Variants in PLEKHG3 observed in about 807,000 individuals in gnomAD.
The protein encoded by PLEKHG3 is pleckstrin homology domain-containing family G member 3.
In PLEKHG3, 62 loss-of-function variants were observed where a neutral mutation model predicts 94.9. The observed-to-expected ratio is 0.65, with a 90% confidence interval of 0.53 to 0.81. The LOEUF is 0.81. Ranked by LOEUF, PLEKHG3 falls within the 30% of genes least tolerant of loss-of-function variation. The probability of loss-of-function intolerance (pLI) is 0.00; values close to 1 mark genes in which losing one functional copy is unlikely to be tolerated. For missense variants in PLEKHG3, 1,461 were observed against 1,619.3 expected (o/e 0.90, Z 1.68); for synonymous variants, 614 against 654.0 (o/e 0.94, Z 0.93).
Position 64,728,984 on chromosome 14 carries a change from C to T in PLEKHG3, c.352-12C>T, listed in dbSNP as rs1355771115. 2 of 1,261,140 alleles carry T rather than the reference C, an allele frequency of 1.6e-6. No individual in the cohort carries two copies. Among genetic ancestry groups the T allele is most frequent in the African/African-American group, 1.5e-5 (1 of 67,540 alleles). 78.1% of individuals were successfully genotyped at this position (1,261,140 alleles called of 1,614,324 possible). On this transcript the variant is annotated splice_polypyrimidine_tract_variant and intron_variant, in intron 2 of 16. Transcript: ENST00000247226. The surrounding 1 kb of genome is among the most constrained non-coding windows in gnomAD (Gnocchi z 5.9). ...GCCGGGGGCTAGGTTCTGACCACCT[C>T]CCTCCACGCAGGACTACCTCTTGAA...
intron 13 of PLEKHG3, 26 bp from the exon 14 acceptor site, chr14:64,737,329 TG>T: frequency 6.3e-7 from 1 of 1,599,886 alleles, no homozygotes; most frequent in Non-Finnish European, 8.5e-7. Context: ...GCCCGTGTGC[TG>T]GGGGACCCGG....
intron 12 of PLEKHG3, among the ~76,000 whole-genome samples, chr14:64,735,729 CT>C (rs34768586): frequency 0.12 from 18,362 of 152,274 alleles, 1,241 homozygotes; most frequent in Middle Eastern, 0.18. Context: ...CATGCAGGCA[CT>C]TTACTGCCTG....
chr14:64,742,083 G>A lies in PLEKHG3; in HGVS notation c.2566G>A (p.Ala856Thr), dbSNP rs973315461. The A allele has an allele frequency of 2.5e-6, 4 of 1,609,214 alleles. No homozygotes were observed. The African/African-American group carries it at 5.3e-5, about 21-fold the overall frequency. Residue 856 changes from alanine to threonine, a missense_variant, in exon 16 of 17, where the codon GCC becomes ACC. Ala to Thr is a moderately conservative substitution (Grantham distance 58, BLOSUM62 0). Coordinates refer to ENST00000247226, the MANE Select transcript of PLEKHG3 (RefSeq NM_001308147.2). Reference sequence around the variant, plus strand: ...CATCCTGGAGGAGCATGAGCTGGGAGCCATCACAGAGGAGTCGGCCACTGC... The same window carrying A: ...CATCCTGGAGGAGCATGAGCTGGGAACCATCACAGAGGAGTCGGCCACTGC... ...LFILEEHELG[A>T]ITEESATASP...
In PLEKHG3 at chr14:64,704,512, G is replaced by C. The variant is rs2080942077; in HGVS notation, c.-232G>C. On this transcript the variant is annotated 5_prime_UTR_variant, in exon 1 of 17. Coordinates refer to ENST00000247226, the MANE Select transcript of PLEKHG3 (RefSeq NM_001308147.2). The surrounding 1 kb of genome is among the most constrained non-coding windows in gnomAD (Gnocchi z 5.6). ...GCCGGGCGCTGGCAAGCCGCGCGCT[G>C]CCTGGGGTCTCCGGGGGCCGCGCTT... 6.4e-6 allele frequency: 1 copy of C among 156,130 alleles called. No homozygotes were observed. The allele number at this position is 156,130 out of a possible 1,614,324, so 9.7% of individuals were successfully genotyped here. A position where few individuals can be genotyped will look rare whatever the true frequency, so the allele number is the denominator to read the frequency against.
At chr14:64,706,686 C>T (rs2080976605) in intron 1 of PLEKHG3, among the ~76,000 whole-genome samples, 1 of 152,258 alleles carries the variant, frequency 6.6e-6, no homozygotes, top group Non-Finnish European at 1.5e-5. Flanking sequence ...AATATCTCAG[C>T]CCCAGAGTAA....
In PLEKHG3 at chr14:64,723,871, G is replaced by A. The variant is rs1044322289; in HGVS notation, c.-39-3722G>A. The A allele has an allele frequency of 1.3e-5, 2 of 152,234 alleles. No individual in the cohort carries two copies. The highest frequency in any genetic ancestry group is 2.4e-5 in the African/African-American group (1 of 41,448). 9.4% of individuals were successfully genotyped at this position (152,234 alleles called of 1,614,324 possible). On this transcript the variant is annotated intron_variant, in intron 1 of 16. Transcript: ENST00000247226. The surrounding 1 kb of genome is among the most constrained non-coding windows in gnomAD (Gnocchi z 4.5). Reference sequence around the variant, plus strand: ...ACTGGATTGATTCATGTTGCAAGATGGAAGAGGTCATGGCTGGGGCATACT... The same window carrying A: ...ACTGGATTGATTCATGTTGCAAGATAGAAGAGGTCATGGCTGGGGCATACT...
chr14:64,709,183 T>C (rs2081026515), intron 1 of PLEKHG3, among the ~76,000 whole-genome samples: 2 of 152,172 alleles, frequency 1.3e-5, no homozygotes, highest in Admixed American at 1.3e-4. Context: ...TTGAGAATGG[T>C]ACAAAGTGTG....
chr14:64,732,826 C>G lies in PLEKHG3; in HGVS notation c.1270C>G (p.Pro424Ala), dbSNP rs771991725. ...SYYPNRYRCS[P>A]ERLKKAWSSQ... ...AGATCCCAATCGGTACCGCTGCAGC[C>G]CAGAGCGGCTGAAGAAGGCTTGGTC... The change falls in exon 12 of 17, where the codon CCA (proline) becomes GCA (alanine). Residue 424 changes from proline to alanine, a missense_variant. By Grantham distance (27) the Pro-to-Ala change is conservative. Around this residue, in one of 3 missense-constraint regions of PLEKHG3, gnomAD observed 1,201 missense variants for 1,295.5 expected, o/e 0.93. Transcript: ENST00000247226. The surrounding 1 kb of genome is among the most constrained non-coding windows in gnomAD (Gnocchi z 4.9). 4 of 1,609,726 alleles carry G rather than the reference C, an allele frequency of 2.5e-6. No individual in the cohort carries two copies. The highest frequency in any genetic ancestry group is 3.4e-6 in the Non-Finnish European group (4 of 1,178,544).
intron 1 of PLEKHG3, among the ~76,000 whole-genome samples, chr14:64,714,238 T>C (rs551108842): frequency 3.3e-5 from 5 of 152,178 alleles, no homozygotes; most frequent in Admixed American, 6.5e-5. Context: ...CGTGCACTTA[T>C]TGGTGATGAT....
intron 12 of PLEKHG3, among the ~76,000 whole-genome samples, chr14:64,736,436 C>T (rs111592155): frequency 1.2e-4 from 19 of 152,322 alleles, no homozygotes; most frequent in African/African-American, 4.3e-4. Context: ...GTAGCTGATG[C>T]GCTGATATGC....
chr14:64,730,808 C>A lies in PLEKHG3; in HGVS notation c.576C>A (p.Ala192=). The A allele has an allele frequency of 6.2e-7, 1 of 1,613,232 alleles. No individual in the cohort carries two copies. ...CTTCTCCCACTCCCAGCTCCGTGGC[C>A]GCCCTGACGGAATGCATGCGGGACA... ...QYCNNYPNSV[A]ALTECMRDKQ... Residue 192 remains alanine (A), a synonymous_variant, in exon 6 of 17, where the codon GCC becomes GCA. Coordinates refer to ENST00000247226, the MANE Select transcript of PLEKHG3 (RefSeq NM_001308147.2). The surrounding 1 kb of genome is among the most constrained non-coding windows in gnomAD (Gnocchi z 5.4).
rs200474467 is a variant in PLEKHG3, at chr14:64,743,258, G to A, written c.3215G>A (p.Arg1072His). 1.1e-4 allele frequency: 174 copies of A among 1,606,210 alleles called. 1 individual carries two copies. In the African/African-American group the frequency reaches 1.7e-3, roughly 16 times the overall value. ...EARRAGGGRP[R>H]GPPVNRSHSV... The stretch of plus-strand genomic sequence containing the variant: ...CGCCGAGCAGGGGGCGGCCGGCCCC[G>A]CGGCCCACCCGTCAACAGGAGCCAC... The change falls in exon 17 of 17, where the codon CGC (arginine) becomes CAC (histidine). Residue 1072 changes from arginine to histidine, a missense_variant. Arg to His is a conservative substitution (Grantham distance 29, BLOSUM62 0). Transcript: ENST00000247226. The surrounding 1 kb of genome is among the most constrained non-coding windows in gnomAD (Gnocchi z 7.2).
chr14:64,740,403 C>T (rs968005777), intron 15 of PLEKHG3, among the ~76,000 whole-genome samples: 1 of 152,232 alleles, frequency 6.6e-6, no homozygotes, highest in Non-Finnish European at 1.5e-5. Context: ...TCTTCCTTGC[C>T]CATTTCCTGG....
chr14:64,714,675 A>C (rs929256928), intron 1 of PLEKHG3, among the ~76,000 whole-genome samples: 1 of 152,314 alleles, frequency 6.6e-6, no homozygotes, highest in Admixed American at 6.5e-5. Flanking sequence ...CCCAGCCATG[A>C]TTCTGAAGCT....
At chr14:64,713,344 G>T (rs2081089510) in intron 1 of PLEKHG3, among the ~76,000 whole-genome samples, 1 of 152,090 alleles carries the variant, frequency 6.6e-6, no homozygotes, top group Admixed American at 6.6e-5. Flanking sequence ...CTGTTTTTTT[G>T]TGGGGTGAGA....
In PLEKHG3 at chr14:64,730,352, G is replaced by T; in HGVS notation, c.519+40G>T. ...GTCCTTGCCTCTGTCCTACCTTGCT[G>T]AGAGCTCAGAGAGACAAGAACTGCC... On this transcript the variant is annotated intron_variant, in intron 4 of 16. Transcript: ENST00000247226. The surrounding 1 kb of genome is among the most constrained non-coding windows in gnomAD (Gnocchi z 5.4). 7.9e-7 allele frequency: 1 copy of T among 1,269,028 alleles called. No homozygotes were observed. Among genetic ancestry groups the T allele is most frequent in the African/African-American group, 1.5e-5 (1 of 68,016 alleles). The allele number at this position is 1,269,028 out of a possible 1,614,324, so 78.6% of individuals were successfully genotyped here.
At position 64,741,184 on chromosome 14, in the gene PLEKHG3, C is replaced by T. The variant is rs1249088001; in HGVS notation, c.1667C>T (p.Pro556Leu). 3.7e-6 allele frequency: 6 copies of T among 1,614,112 alleles called. No individual in the cohort carries two copies. Among genetic ancestry groups the T allele is most frequent in the Non-Finnish European group, 5.1e-6 (6 of 1,180,018 alleles). ...CACCAGGGCCTTCTGGGGATGGACC[C>T]CCCAGGTGACATGGTGGACTTCGTG... is the stretch of plus-strand genomic sequence containing the variant. ...DAHQGLLGMD[P>L]PGDMVDFVAA... Residue 556 changes from proline to leucine, a missense_variant, in exon 16 of 17, where the codon CCC becomes CTC. Around this residue, in one of 3 missense-constraint regions of PLEKHG3, gnomAD observed 1,201 missense variants for 1,295.5 expected, o/e 0.93. Coordinates refer to ENST00000247226, the MANE Select transcript of PLEKHG3 (RefSeq NM_001308147.2).
intron 1 of PLEKHG3, among the ~76,000 whole-genome samples, chr14:64,714,286 A>G (rs753588386): frequency 1.3e-5 from 2 of 152,188 alleles, no homozygotes; most frequent in South Asian, 2.1e-4. Flanking sequence ...GTGGATGGCT[A>G]TGGTGGGGTA....
At position 64,743,263 on chromosome 14, in the gene PLEKHG3, C is replaced by T. The variant is rs1340405470; in HGVS notation, c.3220C>T (p.Pro1074Ser). The change falls in exon 17 of 17, where the codon CCA becomes TCA. Residue 1074 changes from proline to serine, a missense_variant. Around this residue, in one of 3 missense-constraint regions of PLEKHG3, gnomAD observed 1,201 missense variants for 1,295.5 expected, o/e 0.93. Coordinates refer to ENST00000247226, the MANE Select transcript of PLEKHG3 (RefSeq NM_001308147.2). This position sits in a 1 kb window ranked among gnomAD's most constrained non-coding sequence, Gnocchi z 7.2. ...RRAGGGRPRG[P>S]PVNRSHSVPE... ...AGCAGGGGGCGGCCGGCCCCGCGGCCCACCCGTCAACAGGAGCCACTCGGT... is the reference window on the plus strand; with the variant it reads ...AGCAGGGGGCGGCCGGCCCCGCGGCTCACCCGTCAACAGGAGCCACTCGGT... 6.2e-7 allele frequency: 1 copy of T among 1,606,668 alleles called. No individual in the cohort carries two copies. Among genetic ancestry groups the T allele is most frequent in the Non-Finnish European group, 8.5e-7 (1 of 1,178,672 alleles).
Sources: gnomAD v4.1 joint callset for allele counts (sites outside exome capture counted in the v4.1 genomes callset) on GRCh38, gnomAD v4.1.1 for gene constraint, gnomAD v4.1.1 regional missense constraint, Gnocchi (gnomAD v3.1) non-coding constraint, MANE v1.5 for transcripts, NCBI Gene and HGNC (gene_info 2026-07-23, HGNC 2026-07-21) for gene names.